The following FAM184A variants were observed in gnomAD, a reference collection of about 807,000 sequenced individuals.
FAM184A encodes family with sequence similarity 184 member A.
FAM184A carries 99 observed loss-of-function variants against 143.8 expected under a neutral mutation model. The ratio of observed to expected loss-of-function variants is 0.69; its 90% CI spans 0.58 to 0.81. The LOEUF is 0.81. Ranked by LOEUF, FAM184A falls within the 40% of genes least tolerant of loss-of-function variation. The pLI, the probability that FAM184A is intolerant of heterozygous loss-of-function variation, is 0.00. For missense variants in FAM184A, 1,217 were observed against 1,310.5 expected (o/e 0.93, Z 1.10); for synonymous variants, 427 against 446.4 (o/e 0.96, Z 0.55).
chr6:119,021,874 G>A (rs1334725367), intron 3 of FAM184A, among the ~76,000 whole-genome samples: 1 of 152,026 alleles, frequency 6.6e-6, no homozygotes. Context: ...TACTCAGGAA[G>A]CTGAAGTGGG....
intron 9 of FAM184A, among the ~76,000 whole-genome samples, chr6:118,999,459 C>A (rs578081998): frequency 6.6e-6 from 1 of 152,292 alleles, no homozygotes; most frequent in African/African-American, 2.4e-5. Context: ...GCCCCCAACA[C>A]TGTTTTTCTT....
intron 1 of FAM184A, among the ~76,000 whole-genome samples, chr6:119,036,301 T>C (rs1323689064): frequency 1.3e-5 from 2 of 151,814 alleles, no homozygotes; most frequent in African/African-American, 4.8e-5. Flanking sequence ...CAGCAACAGA[T>C]GTGTGTCCAA....
intron 5 of FAM184A, among the ~76,000 whole-genome samples, chr6:119,015,020 C>G (rs530614867): frequency 1.4e-4 from 21 of 151,682 alleles, no homozygotes; most frequent in African/African-American, 5.1e-4. Flanking sequence ...GATTGTGCCA[C>G]TGCACTGCAC....
intron 9 of FAM184A, among the ~76,000 whole-genome samples, chr6:118,992,041 G>T (rs771884895): frequency 6.6e-6 from 1 of 152,034 alleles, no homozygotes. Context: ...TGGGATTACA[G>T]GTATGAGCCA....
intron 9 of FAM184A, among the ~76,000 whole-genome samples, chr6:118,981,814 G>A (rs1276280090): frequency 4.6e-5 from 7 of 152,160 alleles, no homozygotes; most frequent in Non-Finnish European, 7.4e-5. Context: ...GTGAGAAATC[G>A]TATGAACAAT....
At chr6:119,127,331 A>G (rs879712953) in intron 1 of FAM184A, among the ~76,000 whole-genome samples, 4 of 152,222 alleles carry the variant, frequency 2.6e-5, no homozygotes, top group Non-Finnish European at 4.4e-5. Context: ...GTGTGTGCAC[A>G]CTAGTGGTGG....
At chr6:118,980,111 T>C (rs759460764) in intron 10 of FAM184A, 27 bp downstream of exon 10, 2 of 1,596,694 alleles carry the variant, frequency 1.3e-6, no homozygotes, top group Admixed American at 1.7e-5. Context: ...TTGGGTTACA[T>C]TTGAACGTAT....
chr6:119,116,418 A>G lies in FAM184A; in HGVS notation c.-202+32660T>C, dbSNP rs1057306957. Among the ~76,000 whole-genome samples, 6 of 152,172 alleles carry G rather than the reference A, an allele frequency of 3.9e-5. No individual in the cohort carries two copies. The East Asian group carries it at 1.2e-3, about 29-fold the overall frequency. ...GTTGGGTACTATGCCTATGACCTGA[A>G]CGACAGGATCGTTGGGACCTCAAGC... On this transcript the variant is annotated intron_variant, in intron 1 of 16. Coordinates refer to the FAM184A transcript ENST00000352896.
chr6:118,972,961 G>A (rs934381115), intron 14 of FAM184A, among the ~76,000 whole-genome samples: 1 of 152,086 alleles, frequency 6.6e-6, no homozygotes, highest in Admixed American at 6.6e-5. Context: ...TGGCCCAAAA[G>A]GATTTAAAAA....
In FAM184A at chr6:119,040,691, C is replaced by T. The variant is rs530578491; in HGVS notation, c.160-15878G>A. Among the ~76,000 whole-genome samples, 51 of 152,304 alleles carry T rather than the reference C, an allele frequency of 3.3e-4. 1 individual carries two copies. In the South Asian group the frequency reaches 9.6e-3, roughly 29 times the overall value. The stretch of plus-strand genomic sequence containing the variant: ...CGAATTGGAACTCTGGCTTTGCTGG[C>T]TTTTCATAACTCACCAAGTGCTTTT... On this transcript the variant is annotated intron_variant, in intron 1 of 17. Transcript: ENST00000338891.
upstream of FAM184A, among the ~76,000 whole-genome samples, chr6:119,080,142 T>C (rs773188471): frequency 3.9e-5 from 6 of 152,270 alleles, no homozygotes; most frequent in Non-Finnish European, 8.8e-5. Flanking sequence ...TCTGTTTCAC[T>C]AAATTTGTAT....
At chr6:119,082,039 G>T (rs1466513980), upstream of FAM184A, among the ~76,000 whole-genome samples, 1 of 152,216 alleles carries the variant, frequency 6.6e-6, no homozygotes, top group African/African-American at 2.4e-5. Flanking sequence ...GCAGGCCAGG[G>T]TAGTCTTGGG....
intron 9 of FAM184A, among the ~76,000 whole-genome samples, chr6:118,980,949 AATC>A (rs1233662922): frequency 6.6e-6 from 1 of 152,250 alleles, no homozygotes; most frequent in African/African-American, 2.4e-5. Context: ...TATAATTTAG[AATC>A]ATCATGTAAA....
At chr6:119,011,143 C>T (rs972837698) in intron 6 of FAM184A, 166 bp downstream of exon 6, 4 of 560,440 alleles carry the variant, frequency 7.1e-6, no homozygotes, top group African/African-American at 4.0e-5. Context: ...CCTGGTGGAA[C>T]ATAATCAGAG....
upstream of FAM184A, among the ~76,000 whole-genome samples, chr6:119,081,228 T>C (rs531727688): frequency 6.6e-6 from 1 of 152,144 alleles, no homozygotes; most frequent in Non-Finnish European, 1.5e-5. Context: ...CAAACACTTA[T>C]AAAACTATCA....
At chr6:119,135,915 TC>T (rs1341423406) in intron 1 of FAM184A, among the ~76,000 whole-genome samples, 1 of 151,716 alleles carries the variant, frequency 6.6e-6, no homozygotes, top group Non-Finnish European at 1.5e-5. Flanking sequence ...AGAATAGAAA[TC>T]TTATCAACTC....
chr6:119,007,541 A>G (rs1784960297), intron 6 of FAM184A, among the ~76,000 whole-genome samples: 1 of 152,196 alleles, frequency 6.6e-6, no homozygotes, highest in Admixed American at 6.5e-5. Flanking sequence ...TAAGATAATT[A>G]GGGGAGCTAC....
intron 9 of FAM184A, among the ~76,000 whole-genome samples, chr6:118,981,656 A>G (rs1784028703): frequency 2.6e-5 from 4 of 152,176 alleles, no homozygotes; most frequent in Non-Finnish European, 4.4e-5. Flanking sequence ...GCAAGCCACC[A>G]TATCCCTTTA....
chr6:119,118,955 C>T lies in FAM184A; in HGVS notation c.-202+30123G>A, dbSNP rs575187872. Among the ~76,000 whole-genome samples, 16 of 152,266 alleles carry T rather than the reference C, an allele frequency of 1.1e-4. No homozygotes were observed. The South Asian group carries it at 3.3e-3, about 32-fold the overall frequency. On this transcript the variant is annotated intron_variant, in intron 1 of 16. Transcript: ENST00000352896. ...AATATCGCTGAATTCTTTTTCTCAG[C>T]AAGGAACATCCCTGAGAAAGAGAAT... is the stretch of plus-strand genomic sequence containing the variant.
Sources: allele counts gnomAD v4.1 joint callset (sites outside exome capture counted in the v4.1 genomes callset), GRCh38; gene constraint gnomAD v4.1.1; transcripts MANE v1.5; gene names NCBI Gene and HGNC (gene_info 2026-07-23, HGNC 2026-07-21).